CCDC141: variants seen among roughly 807,000 people sequenced by gnomAD.
CCDC141 encodes coiled-coil domain-containing protein 141.
A neutral mutation model predicts 181.0 loss-of-function variants in CCDC141; 168 were observed. That is an observed-to-expected ratio of 0.93 (90% confidence interval 0.82 to 1.05). The LOEUF (loss-of-function observed/expected upper bound fraction) is 1.05. Among genes scored for constraint, CCDC141 ranks in the 50% least tolerant of loss-of-function variants. CCDC141 has a pLI of 0.00. For missense variants in CCDC141, 1,902 were observed against 1,788.5 expected (o/e 1.06, Z -1.14); for synonymous variants, 666 against 642.3 (o/e 1.04, Z -0.56).
chr2:178,961,216 C>A lies in CCDC141; in HGVS notation c.780+14G>T. ...GCTGAGGCTGGAACATCATCCAATG[C>A]CCCTTTGGGTTACCTGGTTTTCTTG... On this transcript the variant is annotated intron_variant, in intron 5 of 23. Coordinates refer to ENST00000443758, the MANE Select transcript of CCDC141 (RefSeq NM_173648.4). The A allele has an allele frequency of 6.5e-7, 1 of 1,548,938 alleles. No homozygotes were observed. The highest frequency in any genetic ancestry group is 1.7e-4 in the Middle Eastern group (1 of 5,986).
intron 3 of CCDC141, among the ~76,000 whole-genome samples, chr2:178,977,124 A>C (rs1305667774): frequency 6.6e-6 from 1 of 152,194 alleles, no homozygotes; most frequent in Non-Finnish European, 1.5e-5. Flanking sequence ...TAATACAAAA[A>C]ATAATTAGTC....
intron 2 of CCDC141, among the ~76,000 whole-genome samples, chr2:179,015,774 C>A (rs925900482): frequency 7.3e-6 from 1 of 136,316 alleles, no homozygotes; most frequent in Admixed American, 7.6e-5. Context: ...TCATATATAT[C>A]TCATATATGT....
At chr2:178,912,179 T>C (rs1311885617) in intron 7 of CCDC141, among the ~76,000 whole-genome samples, 1 of 152,208 alleles carries the variant, frequency 6.6e-6, no homozygotes, top group Non-Finnish European at 1.5e-5. Context: ...CAAGAAATTT[T>C]AATTTAGCAA....
intron 17 of CCDC141, among the ~76,000 whole-genome samples, chr2:178,859,236 G>C (rs543713522): frequency 6.6e-6 from 1 of 152,096 alleles, no homozygotes; most frequent in Non-Finnish European, 1.5e-5. Flanking sequence ...AGATACAAGT[G>C]GAAGGCAGTA....
intron 4 of CCDC141, among the ~76,000 whole-genome samples, chr2:178,972,762 T>C (rs187256016): frequency 1.0e-3 from 154 of 152,244 alleles, no homozygotes; most frequent in Admixed American, 3.4e-3. Context: ...CTTTCAAGGA[T>C]TGTTATGTGG....
chr2:178,913,900 A>C (rs1353984609), intron 7 of CCDC141, among the ~76,000 whole-genome samples: 1 of 152,232 alleles, frequency 6.6e-6, no homozygotes, highest in Non-Finnish European at 1.5e-5. Flanking sequence ...CATTATGACC[A>C]ATCAGTCATG....
At chr2:179,016,883 G>T (rs1196030618) in intron 2 of CCDC141, among the ~76,000 whole-genome samples, 1 of 152,010 alleles carries the variant, frequency 6.6e-6, no homozygotes, top group Non-Finnish European at 1.5e-5. Context: ...AGGGTAAAAG[G>T]TGCTACGTAT....
In CCDC141 at chr2:178,881,915, TCACACACACA is replaced by T. The variant is rs55791403; in HGVS notation, c.1719+2976_1719+2985del. Reference sequence around the variant, plus strand: ...GTCTCTCTCTCTCTCTCTCTCTCTCTCACACACACACACACACACACACACACACACACAC... The same window carrying T: ...GTCTCTCTCTCTCTCTCTCTCTCTCTCACACACACACACACACACACACAC... On this transcript the variant is annotated intron_variant, in intron 11 of 23. Transcript: ENST00000443758. Among the ~76,000 whole-genome samples the T allele has an allele frequency of 1.3e-3, 123 of 92,326 alleles. 2 individuals are homozygous for T. The highest frequency in any genetic ancestry group is 3.0e-3 in the African/African-American group (76 of 25,482). 60.6% of individuals were successfully genotyped at this position (92,326 alleles called of 152,430 possible). A position where few individuals can be genotyped will look rare whatever the true frequency, so the allele number is the denominator to read the frequency against.
chr2:178,958,398 A>G (rs1428751036), intron 5 of CCDC141, among the ~76,000 whole-genome samples: 1 of 152,130 alleles, frequency 6.6e-6, no homozygotes, highest in Non-Finnish European at 1.5e-5. Context: ...AACTGCAGGT[A>G]TGGGGGCAGG....
intron 2 of CCDC141, among the ~76,000 whole-genome samples, chr2:179,037,312 G>A (rs1035942873): frequency 3.9e-5 from 6 of 152,206 alleles, no homozygotes; most frequent in African/African-American, 7.2e-5. Context: ...TCTTGAAGGC[G>A]TGGGTCAACA....
At chr2:179,040,800 T>G (rs1378150113) in intron 2 of CCDC141, among the ~76,000 whole-genome samples, 1 of 152,212 alleles carries the variant, frequency 6.6e-6, no homozygotes, top group Non-Finnish European at 1.5e-5. Context: ...GGGATTTAGG[T>G]TGATTCCATG....
At chr2:178,872,537 T>C (rs1287894332) in intron 12 of CCDC141, among the ~76,000 whole-genome samples, 1 of 152,132 alleles carries the variant, frequency 6.6e-6, no homozygotes, top group African/African-American at 2.4e-5. Flanking sequence ...CCAAGGGGTG[T>C]TTGAATTCCT....
chr2:178,871,243 C>T (rs1195830306), intron 14 of CCDC141, among the ~76,000 whole-genome samples, 184 bp downstream of exon 14: 1 of 152,096 alleles, frequency 6.6e-6, no homozygotes, highest in African/African-American at 2.4e-5. Flanking sequence ...GGTATATCAT[C>T]AAATTCAAAA....
intron 11 of CCDC141, among the ~76,000 whole-genome samples, chr2:178,882,749 A>G (rs1357108620): frequency 6.6e-6 from 1 of 152,112 alleles, no homozygotes; most frequent in African/African-American, 2.4e-5. Context: ...CAATCAGCAC[A>G]ATTGTATGAT....
At chr2:178,995,647 CAA>C (rs1559036239) in intron 2 of CCDC141, among the ~76,000 whole-genome samples, 2 of 152,170 alleles carry the variant, frequency 1.3e-5, no homozygotes, top group South Asian at 2.1e-4. Context: ...AGAGCTAACT[CAA>C]AAAAAGTCTC....
At chr2:178,869,055 A>G (rs1176059621) in intron 15 of CCDC141, 62 bp downstream of exon 15, 14 of 1,230,066 alleles carry the variant, frequency 1.1e-5, no homozygotes, top group Middle Eastern at 2.0e-4. Context: ...TTATATAATA[A>G]TTCATTTTTA....
chr2:179,021,985 CATTA>C (rs148064335), intron 2 of CCDC141, among the ~76,000 whole-genome samples: 4,623 of 152,252 alleles, frequency 0.03, 223 homozygotes, highest in African/African-American at 0.11. Context: ...GGCTCTACAA[CATTA>C]ATTCTTATAA....
At position 178,894,995 on chromosome 2, in the gene CCDC141, TC is replaced by T. The variant is rs774197074; in HGVS notation, c.1266-6328del. On this transcript the variant is annotated intron_variant, in intron 8 of 23. Transcript: ENST00000443758. ...AATGTATTTCCTTCCAAAAAGACTT[TC>T]TTTTTGGTAGTCCCCTGGCCCTCCT... Among the ~76,000 whole-genome samples the T allele has an allele frequency of 6.6e-5, 10 of 152,146 alleles. No individual in the cohort carries two copies. In the East Asian group the frequency reaches 1.9e-3, roughly 29 times the overall value.
At chr2:179,035,252 T>C (rs78043623) in intron 2 of CCDC141, among the ~76,000 whole-genome samples, 5,061 of 152,278 alleles carry the variant, frequency 0.033, 95 homozygotes, top group South Asian at 0.058. Context: ...TTCAGAATTT[T>C]CTTTTTATTT....
Sources: gnomAD v4.1 joint callset for allele counts (sites outside exome capture counted in the v4.1 genomes callset) on GRCh38, gnomAD v4.1.1 for gene constraint, MANE v1.5 for transcripts, NCBI Gene and HGNC (gene_info 2026-07-23, HGNC 2026-07-21) for gene names.